PARN: variants seen among roughly 807,000 people sequenced by gnomAD.
PARN encodes poly(A)-specific ribonuclease.
Under a neutral mutation model 102.8 loss-of-function variants are expected in PARN, and 71 were observed. The observed-to-expected ratio is 0.69, with a 90% CI of 0.57 to 0.84. PARN has a LOEUF of 0.84. PARN is among the 40% of genes least tolerant of loss of function. The probability of loss-of-function intolerance (pLI) is 0.00; values close to 1 mark genes in which losing one functional copy is unlikely to be tolerated. For synonymous variants in PARN, 261 were observed against 252.9 expected (o/e 1.03, Z -0.30); for missense variants, 782 against 760.9 (o/e 1.03, Z -0.33).
chr16:14,580,294 G>GA (rs1969442553), intron 18 of PARN, among the ~76,000 whole-genome samples: 1 of 143,986 alleles, frequency 6.9e-6, no homozygotes, highest in Non-Finnish European at 1.5e-5. Flanking sequence ...TGTTTTTTTT[G>GA]TTTTTTTTTT....
intron 21 of PARN, among the ~76,000 whole-genome samples, chr16:14,497,985 G>A (rs1019073331): frequency 6.6e-6 from 1 of 152,080 alleles, no homozygotes; most frequent in Non-Finnish European, 1.5e-5. Context: ...TGAGCTGGGT[G>A]TGGTGGCATG....
chr16:14,629,525 G>A, intron 2 of PARN, 72 bp downstream of exon 2: 8 of 1,123,742 alleles, frequency 7.1e-6, no homozygotes, highest in Non-Finnish European at 1.1e-5. Flanking sequence ...TAAGAAGTTG[G>A]GGGCTGGGGG....
chr16:14,581,396 G>A (rs1969525322), intron 17 of PARN, among the ~76,000 whole-genome samples: 1 of 152,082 alleles, frequency 6.6e-6, no homozygotes, highest in South Asian at 2.1e-4. Context: ...CACAGCAAGT[G>A]TCAGTGGTTT....
intron 21 of PARN, among the ~76,000 whole-genome samples, chr16:14,508,997 A>C (rs1280276459): frequency 1.3e-5 from 2 of 151,762 alleles, no homozygotes; most frequent in East Asian, 1.9e-4. Flanking sequence ...TAAAAGGTAA[A>C]ATTTCCAAAG....
rs571051121 is a variant in PARN at position 14,442,848 on chromosome 16, T to C, written c.1864+4040A>G. Among the ~76,000 whole-genome samples, 9 of 152,352 alleles carry C rather than the reference T, an allele frequency of 5.9e-5. No homozygotes were observed. The South Asian group carries it at 1.7e-3, about 28-fold the overall frequency. The stretch of plus-strand genomic sequence containing the variant: ...GTCTCGAACTCCTGACCCAAGGTGG[T>C]GGACTAACAGGCGTGAGCCACCATG... On this transcript the variant is annotated intron_variant, in intron 23 of 23. Transcript: ENST00000437198.
At chr16:14,589,822 G>A (rs1211912691) in intron 13 of PARN, among the ~76,000 whole-genome samples, 1 of 151,606 alleles carries the variant, frequency 6.6e-6, no homozygotes, top group Non-Finnish European at 1.5e-5. Context: ...GGCCAAGACT[G>A]CACCACTGCA....
intron 21 of PARN, among the ~76,000 whole-genome samples, chr16:14,531,609 C>T (rs1966333298): frequency 6.6e-6 from 1 of 152,138 alleles, no homozygotes; most frequent in Non-Finnish European, 1.5e-5. Flanking sequence ...TAACCTTCTA[C>T]CATGCTTAAA....
chr16:14,484,346 TG>T (rs576272443), intron 21 of PARN, among the ~76,000 whole-genome samples: 12 of 152,208 alleles, frequency 7.9e-5, no homozygotes, highest in Non-Finnish European at 1.6e-4. Flanking sequence ...TTGCTACTTC[TG>T]GCTTCCAGTT....
intron 5 of PARN, among the ~76,000 whole-genome samples, chr16:14,626,206 TAC>T (rs1350413293): frequency 2.0e-5 from 3 of 152,226 alleles, no homozygotes; most frequent in Admixed American, 6.5e-5. Flanking sequence ...TTGCATAGGA[TAC>T]ACACATACTC....
intron 22 of PARN, among the ~76,000 whole-genome samples, chr16:14,452,379 T>C (rs550857291): frequency 6.6e-6 from 1 of 152,330 alleles, no homozygotes; most frequent in Admixed American, 6.5e-5. Flanking sequence ...TACAACTTTA[T>C]TTATTTATTT....
intron 21 of PARN, among the ~76,000 whole-genome samples, chr16:14,489,944 G>A (rs145956605): frequency 3.9e-5 from 6 of 152,320 alleles, no homozygotes; most frequent in East Asian, 1.9e-4. Flanking sequence ...CAAGGCTGGC[G>A]GATCACTTGA....
At chr16:14,469,563 C>T (rs1180890046) in intron 22 of PARN, among the ~76,000 whole-genome samples, 1 of 152,170 alleles carries the variant, frequency 6.6e-6, no homozygotes, top group Non-Finnish European at 1.5e-5. Flanking sequence ...CATGGAACCA[C>T]CTATCAGTAC....
rs770315313 is a variant in PARN, at chr16:14,436,682, G to A, written c.*35C>T. 3.1e-5 allele frequency: 47 copies of A among 1,518,142 alleles called. No individual in the cohort carries two copies. The highest frequency in any genetic ancestry group is 1.7e-4 in the Middle Eastern group (1 of 5,946). The allele number at this position is 1,518,142 out of a possible 1,614,324, so 94.0% of individuals were successfully genotyped here. A position where few individuals can be genotyped will look rare whatever the true frequency, so the allele number is the denominator to read the frequency against. On this transcript the variant is annotated 3_prime_UTR_variant, in exon 24 of 24. Transcript: ENST00000437198. ...GTGCCAGCCGGCTCTTGCTCACAGC[G>A]ACAGCACCAGCGGTTTGCTGCCCTC...
At chr16:14,441,432 T>C (rs1327205332) in intron 23 of PARN, among the ~76,000 whole-genome samples, 1 of 152,240 alleles carries the variant, frequency 6.6e-6, no homozygotes, top group Non-Finnish European at 1.5e-5. Context: ...AAACGGATTC[T>C]AAGAAGCTGC....
rs374378937 is a variant in PARN at position 14,545,092 on chromosome 16, G to GT, written c.1480+6928dup. Among the ~76,000 whole-genome samples the GT allele has an allele frequency of 1.1e-4, 17 of 152,302 alleles. No individual in the cohort carries two copies. The East Asian group carries it at 2.9e-3, about 26-fold the overall frequency. On this transcript the variant is annotated intron_variant, in intron 21 of 23. Transcript: ENST00000437198. ...AGTCCCAGCTACTCAGGAAGCTGAA[G>GT]TGGGAGGATGGCTTGAGCCCAGGAG...
At chr16:14,503,493 G>C (rs565138853) in intron 21 of PARN, among the ~76,000 whole-genome samples, 1 of 152,342 alleles carries the variant, frequency 6.6e-6, no homozygotes, top group African/African-American at 2.4e-5. Flanking sequence ...TAAATTTCCT[G>C]TTTGAAAGGG....
chr16:14,608,163 G>T, intron 9 of PARN, 118 bp downstream of exon 9: 1 of 723,822 alleles, frequency 1.4e-6, no homozygotes, highest in Non-Finnish European at 2.3e-6. Flanking sequence ...GGAACTTCAT[G>T]TAGTCAAATC....
chr16:14,538,766 A>G (rs1005371895), intron 21 of PARN, among the ~76,000 whole-genome samples: 1 of 152,118 alleles, frequency 6.6e-6, no homozygotes, highest in African/African-American at 2.4e-5. Flanking sequence ...ACAGCAGGAG[A>G]TGAGCAGCAG....
intron 8 of PARN, 139 bp from the exon 9 acceptor site, chr16:14,608,458 A>G (rs1045601786): frequency 3.4e-6 from 2 of 595,956 alleles, no homozygotes; most frequent in Non-Finnish European, 6.0e-6. Flanking sequence ...AAAAATACGC[A>G]GGTTTTTTGA....
Sources: allele counts gnomAD v4.1 joint callset (sites outside exome capture counted in the v4.1 genomes callset), GRCh38; gene constraint gnomAD v4.1.1; transcripts MANE v1.5; gene names NCBI Gene and HGNC (gene_info 2026-07-23, HGNC 2026-07-21).